The following NTNG1 variants were observed in gnomAD, a reference collection of about 807,000 sequenced individuals.
NTNG1 encodes netrin G1, also known as netrin-G1.
In NTNG1, 16 loss-of-function variants were observed where a neutral mutation model predicts 54.0. That is an observed-to-expected ratio of 0.30 (90% CI 0.20 to 0.45). The LOEUF is 0.45. NTNG1 is among the 20% of genes least tolerant of loss of function. The probability of loss-of-function intolerance (pLI) is 1.00; values close to 1 mark genes in which losing one functional copy is unlikely to be tolerated. For missense variants in NTNG1, 530 were observed against 678.7 expected, an observed-to-expected ratio of 0.78 and a Z score of 2.43; for synonymous variants, 255 against 263.1, an observed-to-expected ratio of 0.97 and a Z score of 0.30.
chr1:107,361,011 G>T (rs1670228519), intron 3 of NTNG1, among the ~76,000 whole-genome samples: 1 of 150,728 alleles, frequency 6.6e-6, no homozygotes. Flanking sequence ...AAATTTCATT[G>T]TTTTAAAGAA....
At chr1:107,423,131 G>T (rs1465648054) in intron 5 of NTNG1, among the ~76,000 whole-genome samples, 1 of 151,920 alleles carries the variant, frequency 6.6e-6, no homozygotes, top group Non-Finnish European at 1.5e-5. Context: ...AACACCTCTA[G>T]CCTTCATTGC....
chr1:107,474,313 G>A (rs1678174638), intron 7 of NTNG1, among the ~76,000 whole-genome samples: 1 of 152,318 alleles, frequency 6.6e-6, no homozygotes, highest in Non-Finnish European at 1.5e-5. Context: ...TAAACCCACA[G>A]AGCAGGGCAC....
Position 107,371,791 on chromosome 1 carries a change from G to A in NTNG1, c.888-23363G>A, listed in dbSNP as rs550381550. Among the ~76,000 whole-genome samples the A allele has an allele frequency of 7.9e-5, 12 of 152,164 alleles. No homozygotes were observed. The South Asian group carries it at 2.5e-3, about 31-fold the overall frequency. On this transcript the variant is annotated intron_variant, in intron 3 of 7. Coordinates refer to ENST00000370068, the MANE Select transcript of NTNG1 (RefSeq NM_001113226.3). ...ACAGGCTGGTACCAAAACAAGACAA[G>A]ATCTTTACAAGACAAGCTGAGTATT... is the stretch of plus-strand genomic sequence containing the variant.
intron 2 of NTNG1, among the ~76,000 whole-genome samples, chr1:107,251,710 G>A (rs1030525973): frequency 3.3e-5 from 5 of 152,082 alleles, no homozygotes; most frequent in Non-Finnish European, 5.9e-5. Context: ...AATTCTCAGT[G>A]GCCAGAAGCT....
At chr1:107,175,591 A>G (rs1656585925) in intron 2 of NTNG1, among the ~76,000 whole-genome samples, 2 of 150,792 alleles carry the variant, frequency 1.3e-5, no homozygotes, top group Admixed American at 1.3e-4. Flanking sequence ...TGTTTTTCCC[A>G]TTGCTTTCTG....
intron 3 of NTNG1, among the ~76,000 whole-genome samples, chr1:107,331,358 G>A (rs758047341): frequency 1.3e-5 from 2 of 151,938 alleles, no homozygotes; most frequent in Non-Finnish European, 2.9e-5. Flanking sequence ...ATGGCTTTTG[G>A]CTCAGTATTT....
chr1:107,279,295 A>G (rs184771140), intron 2 of NTNG1, among the ~76,000 whole-genome samples: 52 of 152,202 alleles, frequency 3.4e-4, no homozygotes, highest in Non-Finnish European at 6.6e-4. Context: ...GTTATTGACA[A>G]TGGAATGTAT....
At chr1:107,170,243 G>T (rs141596629) in intron 2 of NTNG1, among the ~76,000 whole-genome samples, 1 of 152,204 alleles carries the variant, frequency 6.6e-6, no homozygotes, top group East Asian at 1.9e-4. Context: ...GGCTTCTTAC[G>T]TAAAAATAAC....
At chr1:107,456,858 C>A (rs1031837764) in intron 7 of NTNG1, among the ~76,000 whole-genome samples, 1 of 152,218 alleles carries the variant, frequency 6.6e-6, no homozygotes, top group Non-Finnish European at 1.5e-5. Context: ...GTCATAAAAT[C>A]TTTCTCCATA....
intron 7 of NTNG1, 24 bp from the exon 8 acceptor site, chr1:107,480,587 C>CCCAAA: frequency 9.7e-7 from 1 of 1,026,494 alleles, no homozygotes; most frequent in Non-Finnish European, 1.5e-6. Flanking sequence ...CCCACCCACC[C>CCCAAA]CTACCTTCCC....
chr1:107,206,552 A>G (rs1356750531), intron 2 of NTNG1, among the ~76,000 whole-genome samples: 1 of 152,080 alleles, frequency 6.6e-6, no homozygotes, highest in African/African-American at 2.4e-5. Flanking sequence ...TGTTCTTCTC[A>G]TGTGCCTTTC....
At chr1:107,162,123 T>G (rs970943269) in intron 2 of NTNG1, among the ~76,000 whole-genome samples, 1 of 152,060 alleles carries the variant, frequency 6.6e-6, no homozygotes, top group Non-Finnish European at 1.5e-5. Flanking sequence ...TTATTTTTAG[T>G]TTTTGCAATT....
intron 2 of NTNG1, among the ~76,000 whole-genome samples, chr1:107,218,051 C>T (rs1384520355): frequency 6.6e-6 from 1 of 151,972 alleles, no homozygotes; most frequent in East Asian, 1.9e-4. Context: ...CACTGAAGTC[C>T]CACACTATTA....
chr1:107,459,772 G>A (rs973517124), intron 7 of NTNG1, among the ~76,000 whole-genome samples: 18 of 152,130 alleles, frequency 1.2e-4, no homozygotes, highest in African/African-American at 4.3e-4. Context: ...GCTCAAACGA[G>A]CTGTCCCAAT....
intron 3 of NTNG1, among the ~76,000 whole-genome samples, chr1:107,347,885 T>C (rs955673976): frequency 6.6e-6 from 1 of 152,080 alleles, no homozygotes; most frequent in African/African-American, 2.4e-5. Flanking sequence ...TCCCTCACTA[T>C]CATGAAAACA....
intron 3 of NTNG1, among the ~76,000 whole-genome samples, chr1:107,337,604 G>A (rs1668662305): frequency 6.7e-6 from 1 of 150,374 alleles, no homozygotes; most frequent in East Asian, 2.0e-4. Context: ...AATTAAAATA[G>A]TAAATTATGT....
rs75063602 is a variant in NTNG1 at position 107,289,529 on chromosome 1, C to G, written c.247-34753C>G. ...GTCATTCCCACCTCTCAACTGCCCT[C>G]CCCACCCCAGGGTTTTCTATACTTA... On this transcript the variant is annotated intron_variant, in intron 2 of 7. Transcript: ENST00000370068. Among the ~76,000 whole-genome samples the G allele has an allele frequency of 2.9e-3, 435 of 152,222 alleles. 2 individuals carry two copies. The highest frequency in any genetic ancestry group is 0.01 in the African/African-American group (418 of 41,534).
At chr1:107,225,385 C>A (rs1216688814) in intron 2 of NTNG1, among the ~76,000 whole-genome samples, 1 of 151,984 alleles carries the variant, frequency 6.6e-6, no homozygotes, top group Non-Finnish European at 1.5e-5. Context: ...AAAAAAAAAT[C>A]TTGCTTATCT....
intron 2 of NTNG1, among the ~76,000 whole-genome samples, chr1:107,160,881 C>A (rs2101053602): frequency 6.6e-6 from 1 of 152,228 alleles, no homozygotes; most frequent in African/African-American, 2.4e-5. Flanking sequence ...TCAAAGGGGC[C>A]TACCTGACCA....
Sources: gnomAD v4.1 joint callset for allele counts (sites outside exome capture counted in the v4.1 genomes callset) on GRCh38, gnomAD v4.1.1 for gene constraint, MANE v1.5 for transcripts, NCBI Gene and HGNC (gene_info 2026-07-23, HGNC 2026-07-21) for gene names.